The following TMEM67 variants were observed in gnomAD, a reference collection of about 807,000 sequenced individuals.
The protein encoded by TMEM67 is transmembrane protein 67, also known as meckelin.
Under a neutral mutation model 136.6 loss-of-function variants are expected in TMEM67, and 124 were observed. That is an observed-to-expected ratio of 0.91 (90% CI 0.78 to 1.05). The LOEUF (loss-of-function observed/expected upper bound fraction) is 1.05. Among genes scored for constraint, TMEM67 ranks in the 50% least tolerant of loss-of-function variants. The pLI is 0.00. For synonymous variants in TMEM67, 364 were observed against 390.5 expected (o/e 0.93, Z 0.80); for missense variants, 1,107 against 1,178.4 (o/e 0.94, Z 0.89).
At chr8:93,804,481 A>AAATT (rs1778711150) in intron 22 of TMEM67, among the ~76,000 whole-genome samples, 1 of 87,152 alleles carries the variant, frequency 1.1e-5, no homozygotes, top group Non-Finnish European at 2.4e-5. Flanking sequence ...ACACTCAGCT[A>AAATT]TTTTTTTTTT....
At chr8:93,785,513 C>CA (rs981798760) in intron 12 of TMEM67, 135 bp downstream of exon 12, 125 of 828,412 alleles carry the variant, frequency 1.5e-4, no homozygotes, top group South Asian at 2.9e-4. Context: ...TACAGTGTGC[C>CA]AAAAAATGAA....
the TMEM67 span, among the ~76,000 whole-genome samples, chr8:93,830,159 C>T: frequency 1.6e-4 from 24 of 152,204 alleles, no homozygotes; most frequent in South Asian, 4.4e-3. Flanking sequence ...GTCAATCATG[C>T]CTATCCGAGG....
intron 14 of TMEM67, among the ~76,000 whole-genome samples, chr8:93,790,031 T>C (rs1563466450): frequency 6.6e-6 from 1 of 151,868 alleles, no homozygotes; most frequent in African/African-American, 2.4e-5. Context: ...TAAACCAAGA[T>C]TGCACCACTG....
chr8:93,769,334 G>A (rs58596976), intron 6 of TMEM67, among the ~76,000 whole-genome samples: 2,770 of 152,364 alleles, frequency 0.018, 87 homozygotes, highest in African/African-American at 0.061. Context: ...AGGTCAGCCG[G>A]ATTCCATATC....
chr8:93,816,184 G>T (rs1808899134), intron 27 of TMEM67, among the ~76,000 whole-genome samples, 188 bp from the exon 28 acceptor site: 1 of 152,034 alleles, frequency 6.6e-6, no homozygotes, highest in Non-Finnish European at 1.5e-5. Flanking sequence ...CTCTAAATGG[G>T]AACATACTAT....
intron 14 of TMEM67, among the ~76,000 whole-genome samples, chr8:93,789,151 A>T (rs1422055728): frequency 6.6e-6 from 1 of 152,164 alleles, no homozygotes; most frequent in Non-Finnish European, 1.5e-5. Flanking sequence ...GTATTTTAAT[A>T]TTCTAGTTCC....
At chr8:93,804,719 G>A (rs1233583536) in intron 22 of TMEM67, 43 bp from the exon 23 acceptor site, 3 of 1,069,332 alleles carry the variant, frequency 2.8e-6, no homozygotes, top group Admixed American at 1.8e-5. Flanking sequence ...TTATTGTTTT[G>A]CAGATGAGTT....
intron 4 of TMEM67, among the ~76,000 whole-genome samples, chr8:93,764,524 A>C (rs73694927): frequency 5.3e-5 from 7 of 132,530 alleles, no homozygotes; most frequent in South Asian, 2.5e-4. Context: ...ACACACACAC[A>C]CCCCTGCCTG....
chr8:93,804,890 T>C lies in TMEM67; in HGVS notation c.2439+12T>C. Reference sequence around the variant, plus strand: ...TTAAAAGAGAAGCGGTATGAAAATGTTTTACATCTTTTTGTTTTTAAGTTG... The same window carrying C: ...TTAAAAGAGAAGCGGTATGAAAATGCTTTACATCTTTTTGTTTTTAAGTTG... On this transcript the variant is annotated intron_variant, in intron 23 of 27. Transcript: ENST00000453321. The C allele has an allele frequency of 7.1e-7, 1 of 1,408,992 alleles. No homozygotes were observed. The highest frequency in any genetic ancestry group is 1.0e-6 in the Non-Finnish European group (1 of 993,880). 87.3% of individuals were successfully genotyped at this position (1,408,992 alleles called of 1,614,324 possible). A position where few individuals can be genotyped will look rare whatever the true frequency, so the allele number is the denominator to read the frequency against.
chr8:93,759,241 T>C (rs1454586769), intron 3 of TMEM67: 1 of 152,056 alleles, frequency 6.6e-6, no homozygotes, highest in East Asian at 1.9e-4. Flanking sequence ...GCAGGTGTAT[T>C]GCTTGAGCTC....
chr8:93,789,670 ATTT>A (rs144356440), intron 14 of TMEM67, among the ~76,000 whole-genome samples: 7 of 138,130 alleles, frequency 5.1e-5, no homozygotes, highest in African/African-American at 1.4e-4. Flanking sequence ...ATATATATAT[ATTT>A]TTTTTTTAAT....
chr8:93,795,881 T>C lies in TMEM67; in HGVS notation c.1774-20T>C. On this transcript the variant is annotated intron_variant, in intron 17 of 27. Transcript: ENST00000453321. ...AAAAACTGTGTGTGATAATATTTAA[T>C]CAAGTAATTTTTATTATAGGCACAG... is the stretch of plus-strand genomic sequence containing the variant. 2.0e-6 allele frequency: 3 copies of C among 1,503,254 alleles called. No individual in the cohort carries two copies. Among genetic ancestry groups the C allele is most frequent in the Non-Finnish European group, 2.8e-6 (3 of 1,085,226 alleles). The allele number at this position is 1,503,254 out of a possible 1,614,324, so 93.1% of individuals were successfully genotyped here. A position where few individuals can be genotyped will look rare whatever the true frequency, so the allele number is the denominator to read the frequency against.
downstream of TMEM67, chr8:93,818,939 C>T (rs1156726860): frequency 2.7e-6 from 1 of 373,578 alleles, no homozygotes; most frequent in African/African-American, 2.2e-5. Flanking sequence ...GTAGCTGGAA[C>T]AACAGGTGTG....
intron 23 of TMEM67, among the ~76,000 whole-genome samples, chr8:93,805,617 A>G (rs1277587536): frequency 1.3e-5 from 2 of 151,894 alleles, no homozygotes; most frequent in African/African-American, 2.4e-5. Context: ...CTAGGGACCA[A>G]CTCACCCTGA....
At chr8:93,811,705 C>T (rs1808707054) in intron 26 of TMEM67, among the ~76,000 whole-genome samples, 1 of 152,048 alleles carries the variant, frequency 6.6e-6, no homozygotes, top group African/African-American at 2.4e-5. Flanking sequence ...TCTATTATAT[C>T]TATTACGGGT....
the TMEM67 span, among the ~76,000 whole-genome samples, chr8:93,830,869 C>T: frequency 6.6e-6 from 1 of 152,194 alleles, no homozygotes. Context: ...AGCATTTGCC[C>T]ACGTATTTCC....
At chr8:93,826,920 C>T in the TMEM67 span, among the ~76,000 whole-genome samples, 3 of 152,196 alleles carry the variant, frequency 2.0e-5, no homozygotes, top group African/African-American at 7.2e-5. Flanking sequence ...ACCTCTGCCT[C>T]CCAGGCTCAA....
intron 21 of TMEM67, among the ~76,000 whole-genome samples, chr8:93,802,368 C>A (rs1814905373): frequency 6.6e-6 from 1 of 152,212 alleles, no homozygotes; most frequent in South Asian, 2.1e-4. Flanking sequence ...CCTAGCTGCA[C>A]TAGACTCTTT....
At chr8:93,821,351 G>A (rs186622731), downstream of TMEM67, among the ~76,000 whole-genome samples, 1,026 of 152,268 alleles carry the variant, frequency 6.7e-3, 5 homozygotes, top group South Asian at 0.014. Flanking sequence ...GCACAATCAT[G>A]GCTCACTGTA....
Sources: allele counts gnomAD v4.1 joint callset (sites outside exome capture counted in the v4.1 genomes callset), GRCh38; gene constraint gnomAD v4.1.1; transcripts MANE v1.5; gene names NCBI Gene and HGNC (gene_info 2026-07-23, HGNC 2026-07-21).